MET: variants seen among roughly 807,000 people sequenced by gnomAD.
The protein encoded by MET is MET proto-oncogene, receptor tyrosine kinase.
Under a neutral mutation model 133.1 loss-of-function variants are expected in MET, and 48 were observed. That is an observed-to-expected ratio of 0.36 (90% CI 0.29 to 0.46). The LOEUF (loss-of-function observed/expected upper bound fraction) is 0.46, where lower values mean the gene tolerates loss of function less well. Ranked by LOEUF, MET falls within the 20% of genes least tolerant of loss-of-function variation. The pLI, the probability that MET is intolerant of heterozygous loss-of-function variation, is 1.00. For missense variants in MET, 1,442 were observed against 1,695.9 expected (o/e 0.85, Z 2.63); for synonymous variants, 628 against 616.5 (o/e 1.02, Z -0.28).
At chr7:116,678,579 A>G (rs892946152) in intron 1 of MET, among the ~76,000 whole-genome samples, 3 of 152,218 alleles carry the variant, frequency 2.0e-5, no homozygotes, top group African/African-American at 4.8e-5. Flanking sequence ...AGTCAGAGAA[A>G]AAGAGAAGTG....
intron 1 of MET, among the ~76,000 whole-genome samples, chr7:116,682,811 C>T (rs1473108158): frequency 1.3e-5 from 2 of 152,138 alleles, no homozygotes; most frequent in East Asian, 1.9e-4. Context: ...TGATTCCAAA[C>T]TCTCACCATT....
In MET at chr7:116,731,698, G is replaced by A. The variant is rs752281264; in HGVS notation, c.1231G>A (p.Ala411Thr). The change falls in exon 3 of 21, where the codon GCG becomes ACG. Residue 411 changes from alanine to threonine, a missense_variant. Ala to Thr is a moderately conservative substitution (Grantham distance 58, BLOSUM62 0). Coordinates refer to ENST00000397752, the MANE Select transcript of MET (RefSeq NM_000245.4). ...TCTGAGAAATTCATCAGGCTGTGAA[G>A]CGCGCCGTGATGAATATCGAACAGA... ...TLLRNSSGCE[A>T]RRDEYRTEFT... is the part of the protein sequence containing the mutation. 1.2e-6 allele frequency: 2 copies of A among 1,614,092 alleles called. No homozygotes were observed. Among genetic ancestry groups the A allele is most frequent in the African/African-American group, 2.7e-5 (2 of 75,054 alleles).
intron 11 of MET, among the ~76,000 whole-genome samples, chr7:116,764,459 A>G (rs1456977872): frequency 6.6e-6 from 1 of 151,982 alleles, no homozygotes; most frequent in Non-Finnish European, 1.5e-5. Context: ...CATTTGAAAG[A>G]TTCCATTTGG....
chr7:116,758,371 A>G (rs752515251), intron 8 of MET, 88 bp from the exon 9 acceptor site: 11 of 1,353,638 alleles, frequency 8.1e-6, no homozygotes, highest in Admixed American at 1.7e-5. Flanking sequence ...GGAACCATTG[A>G]GTTATATCCT....
intron 9 of MET, 69 bp downstream of exon 9, chr7:116,758,689 A>C: frequency 6.7e-7 from 1 of 1,502,886 alleles, no homozygotes; most frequent in Non-Finnish European, 9.2e-7. Context: ...TAGAATAGTC[A>C]AGAGGAATTG....
At chr7:116,753,989 G>A (rs1794027518) in intron 5 of MET, among the ~76,000 whole-genome samples, 1 of 152,170 alleles carries the variant, frequency 6.6e-6, no homozygotes, top group African/African-American at 2.4e-5. Context: ...TTAAAAATTA[G>A]CTGGGTGAGG....
At position 116,757,678 on chromosome 7, in the gene MET, T is replaced by C. The variant is rs757759704; in HGVS notation, c.2006T>C (p.Met669Thr). The C allele has an allele frequency of 6.2e-7, 1 of 1,614,008 alleles. No individual in the cohort carries two copies. Among genetic ancestry groups the C allele is most frequent in the Non-Finnish European group, 8.5e-7 (1 of 1,179,958 alleles). Residue 669 changes from methionine to threonine, a missense_variant, in exon 8 of 21, where the codon ATG becomes ACG. Met to Thr is a moderately conservative substitution (Grantham distance 81). This residue lies in a region of MET where 514 missense variants were observed against 659.6 expected (regional missense o/e 0.78). Coordinates refer to ENST00000397752, the MANE Select transcript of MET (RefSeq NM_000245.4). Reference protein sequence around the residue: ...ITSISPKYGPMAGGTLLTLTG... With the variant: ...ITSISPKYGPTAGGTLLTLTG... ...AGTATTTCGCCGAAATACGGTCCTATGGCTGGTGGCACTTTACTTACTTTA... is the reference window on the plus strand; with the variant it reads ...AGTATTTCGCCGAAATACGGTCCTACGGCTGGTGGCACTTTACTTACTTTA...
intron 2 of MET, among the ~76,000 whole-genome samples, chr7:116,723,991 T>G (rs1792617723): frequency 6.6e-6 from 1 of 152,254 alleles, no homozygotes; most frequent in African/African-American, 2.4e-5. Context: ...CAGGCCTCCT[T>G]GAGCTCTGGT....
At chr7:116,707,637 A>T (rs1477780615) in intron 2 of MET, among the ~76,000 whole-genome samples, 1 of 152,128 alleles carries the variant, frequency 6.6e-6, no homozygotes, top group East Asian at 1.9e-4. Context: ...GCATCTAGCA[A>T]CCAGTCTACT....
intron 1 of MET, among the ~76,000 whole-genome samples, chr7:116,673,587 A>G (rs763371973): frequency 6.6e-6 from 1 of 152,226 alleles, no homozygotes; most frequent in Non-Finnish European, 1.5e-5. Flanking sequence ...TGTCGCTTTC[A>G]TCAGCCAGAC....
At chr7:116,755,012 GAAAGAAAGAAAGAAAGAAAGAAAGAAAGA>G (rs1794115622) in intron 5 of MET, among the ~76,000 whole-genome samples, 1 of 150,352 alleles carries the variant, frequency 6.7e-6, no homozygotes, top group African/African-American at 2.5e-5. Context: ...AAGAAAGAAA[GAAAGAAAGAAAGAAAGAAAGAAAGAAAGA>G]AAAGAAAGAA....
chr7:116,672,923 T>A (rs1796025857), intron 1 of MET, among the ~76,000 whole-genome samples: 1 of 152,124 alleles, frequency 6.6e-6, no homozygotes, highest in South Asian at 2.1e-4. Context: ...CGTCCCACCG[T>A]GATGCAGCTG....
chr7:116,716,328 AGAGAGAG>A (rs1792201144), intron 2 of MET, among the ~76,000 whole-genome samples: 1 of 137,756 alleles, frequency 7.3e-6, no homozygotes, highest in African/African-American at 2.8e-5. Flanking sequence ...AGAGAGAGAG[AGAGAGAG>A]AGAAAAGAAA....
At chr7:116,763,975 G>A (rs750763620) in intron 11 of MET, among the ~76,000 whole-genome samples, 3 of 152,144 alleles carry the variant, frequency 2.0e-5, no homozygotes, top group Non-Finnish European at 4.4e-5. Context: ...CATAGCTCCA[G>A]TCACTAGAAA....
At position 116,672,314 on chromosome 7, in the gene MET, C is replaced by T; in HGVS notation, c.-278C>T. On this transcript the variant is annotated 5_prime_UTR_variant, in exon 1 of 21. Coordinates refer to ENST00000397752, the MANE Select transcript of MET (RefSeq NM_000245.4). ...CGCCGATGCCCGGCTGAGTCACTGGCAGGGCAGCGCGCGTGTGGGAAGGGG... is the reference window on the plus strand; with the variant it reads ...CGCCGATGCCCGGCTGAGTCACTGGTAGGGCAGCGCGCGTGTGGGAAGGGG... The T allele has an allele frequency of 4.0e-6, 1 of 251,468 alleles. No homozygotes were observed. The highest frequency in any genetic ancestry group is 7.4e-5 in the East Asian group (1 of 13,492). 15.6% of individuals were successfully genotyped at this position (251,468 alleles called of 1,614,324 possible). A position where few individuals can be genotyped will look rare whatever the true frequency, so the allele number is the denominator to read the frequency against.
intron 12 of MET, 186 bp downstream of exon 12, chr7:116,769,977 C>A: frequency 1.2e-6 from 1 of 821,144 alleles, no homozygotes; most frequent in Non-Finnish European, 2.0e-6. Context: ...TTCCCCAAGC[C>A]TGGGAGGTAG....
chr7:116,773,039 T>C (rs1016493359), intron 14 of MET, among the ~76,000 whole-genome samples: 5 of 152,190 alleles, frequency 3.3e-5, no homozygotes, highest in Admixed American at 2.0e-4. Context: ...ATAGTTCTAA[T>C]CTGAGATCAT....
At chr7:116,689,559 C>CTTTTTTTTTTTTTT (rs534819031) in intron 1 of MET, among the ~76,000 whole-genome samples, 1 of 94,774 alleles carries the variant, frequency 1.1e-5, no homozygotes, top group African/African-American at 4.5e-5. Context: ...TGGGCTTACT[C>CTTTTTTTTTTTTTT]TTTTTTTTTT....
At chr7:116,755,557 T>C in intron 6 of MET, 42 bp downstream of exon 6, 1 of 1,612,070 alleles carries the variant, frequency 6.2e-7, no homozygotes, top group Non-Finnish European at 8.5e-7. Context: ...GCTTGGAAAA[T>C]AGGTTTTGTT....
Sources: allele counts gnomAD v4.1 joint callset (sites outside exome capture counted in the v4.1 genomes callset), GRCh38; gene constraint gnomAD v4.1.1; regional missense constraint gnomAD v4.1.1; transcripts MANE v1.5; gene names NCBI Gene and HGNC (gene_info 2026-07-23, HGNC 2026-07-21).